Variants in PLBD2 observed in about 807,000 individuals in gnomAD.
The protein encoded by PLBD2 is phospholipase B domain containing 2.
A neutral mutation model predicts 68.3 loss-of-function variants in PLBD2; 51 were observed. The observed-to-expected ratio is 0.75, with a 90% confidence interval of 0.60 to 0.94. The LOEUF is 0.94. PLBD2 is among the 40% of genes least tolerant of loss of function. The probability of loss-of-function intolerance (pLI) is 0.00; values close to 1 mark genes in which losing one functional copy is unlikely to be tolerated. For missense variants in PLBD2, 729 were observed against 792.2 expected (o/e 0.92, Z 0.96); for synonymous variants, 314 against 339.3 (o/e 0.93, Z 0.82).
At position 113,384,884 on chromosome 12, in the gene PLBD2, G is replaced by A. The variant is rs1351918934; in HGVS notation, c.1152G>A (p.Lys384=). ...YNNQWMIVDY[K]AFIPGGPSPG... ...ACCAGTGGATGATCGTGGACTACAA[G>A]GCGTTCATCCCGGGTGGGCCCAGCC... is the stretch of plus-strand genomic sequence containing the variant. The change falls in exon 8 of 12, where the codon AAG becomes AAA. Residue 384 remains lysine (K), a synonymous_variant. Transcript: ENST00000280800. The surrounding 1 kb of genome is among the most constrained non-coding windows in gnomAD (Gnocchi z 4.2). 1.9e-6 allele frequency: 3 copies of A among 1,613,968 alleles called. No homozygotes were observed. Among genetic ancestry groups the A allele is most frequent in the African/African-American group, 2.7e-5 (2 of 74,938 alleles).
chr12:113,359,834 A>T (rs1365406178), intron 1 of PLBD2, among the ~76,000 whole-genome samples: 1 of 152,208 alleles, frequency 6.6e-6, no homozygotes, highest in African/African-American at 2.4e-5. Context: ...AGTGGGAAGG[A>T]TCAGCTTCAA....
At chr12:113,361,636 T>C (rs1012418865) in intron 1 of PLBD2, among the ~76,000 whole-genome samples, 11 of 152,118 alleles carry the variant, frequency 7.2e-5, no homozygotes, top group African/African-American at 2.7e-4. Context: ...TGTGAGCCAC[T>C]GTGCTCGGTA....
At chr12:113,383,641 G>T (rs1957517458) in intron 6 of PLBD2, among the ~76,000 whole-genome samples, 1 of 151,554 alleles carries the variant, frequency 6.6e-6, no homozygotes, top group Non-Finnish European at 1.5e-5. Flanking sequence ...TACCATGTTG[G>T]CCAGGCTGGT....
intron 2 of PLBD2, among the ~76,000 whole-genome samples, chr12:113,371,922 C>T (rs759349766): frequency 1.3e-5 from 2 of 152,186 alleles, no homozygotes; most frequent in Non-Finnish European, 2.9e-5. Flanking sequence ...ATGTCTTGTC[C>T]CCAGCTGTGT....
At chr12:113,361,456 C>T (rs554563725) in intron 1 of PLBD2, among the ~76,000 whole-genome samples, 1 of 150,640 alleles carries the variant, frequency 6.6e-6, no homozygotes, top group Non-Finnish European at 1.5e-5. Context: ...CCTCCGACCT[C>T]GGCCTCCCAA....
chr12:113,387,423 T>G (rs1957562711), intron 10 of PLBD2, among the ~76,000 whole-genome samples: 1 of 152,180 alleles, frequency 6.6e-6, no homozygotes, highest in Non-Finnish European at 1.5e-5. Context: ...GTTCTTGCAC[T>G]GGTGTCAATG....
chr12:113,380,697 C>T (rs1010197423), intron 5 of PLBD2, 48 bp from the exon 6 acceptor site: 3 of 1,485,196 alleles, frequency 2.0e-6, no homozygotes, highest in African/African-American at 2.8e-5. Flanking sequence ...CAGGGGCCTC[C>T]ACCTGTGCCT....
rs185105947 is a variant in PLBD2, at chr12:113,375,503, C to G, written c.859+496C>G. On this transcript the variant is annotated intron_variant, in intron 5 of 11. Coordinates refer to ENST00000280800, the MANE Select transcript of PLBD2 (RefSeq NM_173542.4). Reference sequence around the variant, plus strand: ...GCCTTTTTTATTTTACCTATTGCTGCTTAACCAGTTACCCCAAAATTTAAA... The same window carrying G: ...GCCTTTTTTATTTTACCTATTGCTGGTTAACCAGTTACCCCAAAATTTAAA... 9.9e-5 allele frequency among the ~76,000 whole-genome samples: 15 copies of G among 152,276 alleles called. No homozygotes were observed. The East Asian group carries it at 1.3e-3, about 14-fold the overall frequency.
intron 3 of PLBD2, among the ~76,000 whole-genome samples, chr12:113,373,931 A>G (rs1957413469): frequency 9.6e-6 from 1 of 104,614 alleles, no homozygotes; most frequent in African/African-American, 3.7e-5. Flanking sequence ...TCACCCACCC[A>G]TACATACATA....
In PLBD2 at chr12:113,372,847, G is replaced by C. The variant is rs1262285705; in HGVS notation, c.543+40G>C. 1.9e-6 allele frequency: 3 copies of C among 1,597,152 alleles called. No individual in the cohort carries two copies. The highest frequency in any genetic ancestry group is 2.7e-5 in the African/African-American group (2 of 74,708). ...CACGCTTGGTGGGAGGGGGCTTCCA[G>C]CTGGCCAGCCATCCTGTCTCCTGTT... On this transcript the variant is annotated intron_variant, in intron 3 of 11. Transcript: ENST00000280800. The surrounding 1 kb of genome is among the most constrained non-coding windows in gnomAD (Gnocchi z 4.2).
At chr12:113,361,342 T>G (rs4365095) in intron 1 of PLBD2, among the ~76,000 whole-genome samples, 1,766 of 119,782 alleles carry the variant, frequency 0.015, 20 homozygotes, top group African/African-American at 0.051. Context: ...TTTTTTTTTG[T>G]TTTTTTTTTT....
At chr12:113,365,011 A>G (rs1200080169) in intron 1 of PLBD2, among the ~76,000 whole-genome samples, 1 of 152,150 alleles carries the variant, frequency 6.6e-6, no homozygotes, top group Non-Finnish European at 1.5e-5. Context: ...TTGAAATTTA[A>G]AAATCTAATT....
chr12:113,388,418 G>T, intron 11 of PLBD2, 41 bp from the exon 12 acceptor site: 2 of 1,503,400 alleles, frequency 1.3e-6, no homozygotes. Context: ...ATTGGGGCAG[G>T]CCAGGACCCC....
chr12:113,391,319 C>G lies in PLBD2; in HGVS notation c.*2693C>G, dbSNP rs1004063462. On this transcript the variant is annotated 3_prime_UTR_variant, in exon 12 of 12. Transcript: ENST00000280800. Reference sequence around the variant, plus strand: ...TAGCTATGGACTCCTCTCTGAGCCTCGATTACCTCATCTGTGAAATGGGGT... The same window carrying G: ...TAGCTATGGACTCCTCTCTGAGCCTGGATTACCTCATCTGTGAAATGGGGT... 6.6e-6 allele frequency: 1 copy of G among 152,150 alleles called. No individual in the cohort carries two copies. Among genetic ancestry groups the G allele is most frequent in the Non-Finnish European group, 1.5e-5 (1 of 68,040 alleles). The allele number at this position is 152,150 out of a possible 1,614,324, so 9.4% of individuals were successfully genotyped here.
intron 6 of PLBD2, among the ~76,000 whole-genome samples, chr12:113,381,571 A>T (rs1363373246): frequency 1.3e-5 from 2 of 151,960 alleles, no homozygotes; most frequent in Admixed American, 6.6e-5. Flanking sequence ...CTTTTTTCTG[A>T]GTGTGGAACG....
chr12:113,382,476 A>G (rs1331249719), intron 6 of PLBD2, among the ~76,000 whole-genome samples: 11 of 151,928 alleles, frequency 7.2e-5, no homozygotes, highest in Admixed American at 5.9e-4. Flanking sequence ...AGGATCTCAC[A>G]CTGTCATGCA....
At chr12:113,374,393 C>A in intron 3 of PLBD2, 81 bp from the exon 4 acceptor site, 2 of 989,646 alleles carry the variant, frequency 2.0e-6, no homozygotes, top group Non-Finnish European at 3.1e-6. Flanking sequence ...ACCCCCAGGC[C>A]AGAGCCCGTC....
chr12:113,385,592 CACTT>C (rs907425740), intron 9 of PLBD2, among the ~76,000 whole-genome samples: 6 of 152,168 alleles, frequency 3.9e-5, no homozygotes, highest in African/African-American at 1.4e-4. Flanking sequence ...TCCTGAGGCT[CACTT>C]ACTTTACCTG....
At chr12:113,365,556 G>A (rs1304460532) in intron 1 of PLBD2, among the ~76,000 whole-genome samples, 1 of 151,760 alleles carries the variant, frequency 6.6e-6, no homozygotes, top group Non-Finnish European at 1.5e-5. Context: ...TCAAGTGATC[G>A]CCCTCCTCAG....
Sources: gnomAD v4.1 joint callset for allele counts (sites outside exome capture counted in the v4.1 genomes callset) on GRCh38, gnomAD v4.1.1 for gene constraint, Gnocchi (gnomAD v3.1) non-coding constraint, MANE v1.5 for transcripts, NCBI Gene and HGNC (gene_info 2026-07-23, HGNC 2026-07-21) for gene names.